The following ETF1 variants were observed in gnomAD, a reference collection of about 807,000 sequenced individuals.
ETF1 encodes the protein eukaryotic peptide chain release factor subunit 1.
ETF1 carries 4 observed loss-of-function variants against 55.1 expected under a neutral mutation model. That is an observed-to-expected ratio of 0.07 (90% CI 0.04 to 0.17). The LOEUF (loss-of-function observed/expected upper bound fraction) is 0.17, where lower values mean the gene tolerates loss of function less well. Among genes scored for constraint, ETF1 ranks in the 10% least tolerant of loss-of-function variants. The pLI is 1.00. For missense variants in ETF1, 142 were observed against 523.6 expected (o/e 0.27, Z 7.11); for synonymous variants, 157 against 182.3 (o/e 0.86, Z 1.12).
At chr5:138,508,522 G>A in intron 10 of ETF1, 135 bp from the exon 11 acceptor site, 1 of 1,553,074 alleles carries the variant, frequency 6.4e-7, no homozygotes, top group Non-Finnish European at 8.7e-7. Flanking sequence ...ATAAACATGG[G>A]TCCAAATTAG....
chr5:138,537,656 C>T (rs1460618183), intron 2 of ETF1, among the ~76,000 whole-genome samples: 11 of 151,918 alleles, frequency 7.2e-5, no homozygotes, highest in African/African-American at 1.9e-4. Flanking sequence ...GGCGCAATCT[C>T]GGCTCACTGC....
At chr5:138,531,954 G>C (rs1765718435) in intron 2 of ETF1, among the ~76,000 whole-genome samples, 1 of 152,300 alleles carries the variant, frequency 6.6e-6, no homozygotes, top group East Asian at 1.9e-4. Flanking sequence ...GGCTGAGGCA[G>C]GAGAATGGTG....
intron 2 of ETF1, chr5:138,529,893 C>T (rs533502554): frequency 6.1e-6 from 1 of 163,962 alleles, no homozygotes; most frequent in African/African-American, 2.4e-5. Context: ...CAGGTACGCA[C>T]CACCACGCTC....
intron 3 of ETF1, chr5:138,517,962 G>C (rs189710560): frequency 7.7e-5 from 65 of 846,582 alleles, no homozygotes; most frequent in Non-Finnish European, 8.7e-5. Flanking sequence ...AGCACTCTGG[G>C]AGGCCGAGGT....
chr5:138,510,899 A>C, intron 8 of ETF1, 146 bp downstream of exon 8: 5 of 1,451,518 alleles, frequency 3.4e-6, no homozygotes, highest in Non-Finnish European at 4.5e-6. Context: ...AAATCTATGC[A>C]GGAATGTGCT....
intron 2 of ETF1, among the ~76,000 whole-genome samples, chr5:138,542,382 T>TCA (rs1766216049): frequency 1.3e-5 from 2 of 152,082 alleles, no homozygotes; most frequent in Non-Finnish European, 2.9e-5. Context: ...CACCCGGGTC[T>TCA]CAGAAGCCCA....
intron 3 of ETF1, among the ~76,000 whole-genome samples, chr5:138,518,224 A>G (rs1765100392): frequency 6.6e-6 from 1 of 151,222 alleles, no homozygotes; most frequent in Non-Finnish European, 1.5e-5. Flanking sequence ...AAAAAAAAAA[A>G]AATTGAGACA....
At chr5:138,517,770 T>A in intron 3 of ETF1, 70 bp from the exon 4 acceptor site, 1 of 1,341,512 alleles carries the variant, frequency 7.5e-7, no homozygotes. Flanking sequence ...TAGAAAATGT[T>A]CCCATAGCCT....
At chr5:138,536,997 A>G (rs1011879489) in intron 2 of ETF1, among the ~76,000 whole-genome samples, 1 of 152,182 alleles carries the variant, frequency 6.6e-6, no homozygotes. Context: ...CCCTGGAAGC[A>G]TAAGTATATC....
chr5:138,512,248 ATATATATATAT>A (rs1380091643), intron 6 of ETF1, among the ~76,000 whole-genome samples: 14 of 11,862 alleles, frequency 1.2e-3, no homozygotes, highest in African/African-American at 3.9e-3. Flanking sequence ...ATATATATAT[ATATATATATAT>A]TTTTTTTTTT....
intron 6 of ETF1, chr5:138,512,034 A>G: frequency 4.3e-6 from 1 of 232,182 alleles, no homozygotes; most frequent in Non-Finnish European, 7.0e-6. Context: ...CCCTGTCTCT[A>G]CCAAAAAGTA....
At chr5:138,523,169 C>T (rs1260494614) in intron 2 of ETF1, among the ~76,000 whole-genome samples, 1 of 151,876 alleles carries the variant, frequency 6.6e-6, no homozygotes, top group African/African-American at 2.4e-5. Context: ...GAGACCGAGA[C>T]CATCCTGACC....
intron 2 of ETF1, among the ~76,000 whole-genome samples, chr5:138,537,588 GTTA>G (rs1212260961): frequency 6.6e-6 from 1 of 151,966 alleles, no homozygotes; most frequent in African/African-American, 2.4e-5. Context: ...TATTATTATT[GTTA>G]TTATTATTTT....
chr5:138,539,660 G>C (rs1223643519), intron 2 of ETF1, among the ~76,000 whole-genome samples: 1 of 152,180 alleles, frequency 6.6e-6, no homozygotes, highest in African/African-American at 2.4e-5. Context: ...TTTCAACTCA[G>C]AAGATTAAGT....
intron 2 of ETF1, chr5:138,541,584 T>C (rs1383238851): frequency 1.7e-5 from 26 of 1,533,194 alleles, no homozygotes; most frequent in Admixed American, 2.0e-5. Flanking sequence ...AATGAAGAGC[T>C]TGGAGGGGCT....
In ETF1 at chr5:138,506,194, A is replaced by G. The variant is rs893388691; in HGVS notation, c.*2111T>C. On this transcript the variant is annotated 3_prime_UTR_variant, in exon 11 of 11. Transcript: ENST00000360541. ...CTCTGCAGAGGCTATAGAGAATGCA[A>G]AGGCTACGGTTTTCACCCCCTCTTA... The G allele has an allele frequency of 6.6e-6, 1 of 152,652 alleles. No individual in the cohort carries two copies. Among genetic ancestry groups the G allele is most frequent in the Non-Finnish European group, 1.5e-5 (1 of 68,036 alleles). 9.5% of individuals were successfully genotyped at this position (152,652 alleles called of 1,614,324 possible). A position where few individuals can be genotyped will look rare whatever the true frequency, so the allele number is the denominator to read the frequency against.
intron 7 of ETF1, 69 bp downstream of exon 7, chr5:138,511,401 CATACA>C (rs1764776337): frequency 1.3e-6 from 1 of 793,562 alleles, no homozygotes; most frequent in African/African-American, 3.4e-5. Context: ...CACACACACA[CATACA>C]CACACACACA....
chr5:138,512,250 ATATATATATTTTTT>A (rs1251002005), intron 6 of ETF1, among the ~76,000 whole-genome samples: 6 of 11,856 alleles, frequency 5.1e-4, no homozygotes, highest in African/African-American at 1.7e-3. Flanking sequence ...ATATATATAT[ATATATATATTTTTT>A]TTTTTTTTTA....
At chr5:138,534,859 T>C (rs572713333) in intron 2 of ETF1, among the ~76,000 whole-genome samples, 1 of 152,346 alleles carries the variant, frequency 6.6e-6, no homozygotes, top group Non-Finnish European at 1.5e-5. Context: ...TGTACTTTAA[T>C]TTCTTCATCC....
Sources: gnomAD v4.1 joint callset for allele counts (sites outside exome capture counted in the v4.1 genomes callset) on GRCh38, gnomAD v4.1.1 for gene constraint, MANE v1.5 for transcripts, NCBI Gene and HGNC (gene_info 2026-07-23, HGNC 2026-07-21) for gene names.